MSN: variants seen among roughly 807,000 people sequenced by gnomAD.
MSN encodes the protein moesin.
MSN carries 2 observed loss-of-function variants against 48.0 expected under a neutral mutation model. The observed-to-expected ratio is 0.04, with a 90% CI of 0.02 to 0.13. The LOEUF (loss-of-function observed/expected upper bound fraction) is 0.13. Among genes scored for constraint, MSN ranks in the 10% least tolerant of loss-of-function variants. MSN has a pLI of 1.00. For synonymous variants in MSN, 146 were observed against 166.9 expected (o/e 0.87, Z 0.97); for missense variants, 267 against 470.1 (o/e 0.57, Z 3.99).
Position 65,636,747 on chromosome X carries a change from CAAAAAAAAA to C in MSN, c.-22+48154_-22+48162del, listed in dbSNP as rs1219240320. ...GGGCAACAAGAGCAAAACTCCATCT[CAAAAAAAAA>C]AAAAAAAAAAAAAAAAAACCAGAAA... On this transcript the variant is annotated intron_variant, in intron 1 of 3. Coordinates refer to the MSN transcript ENST00000609672. Among the ~76,000 whole-genome samples, 35 of 6,337 alleles carry C rather than the reference CAAAAAAAAA, an allele frequency of 5.5e-3. 1 individual carries two copies. The highest frequency in any genetic ancestry group is 0.013 in the African/African-American group (35 of 2,676). The allele number at this position is 6,337 out of a possible 115,157, so 5.5% of individuals were successfully genotyped here. A position where few individuals can be genotyped will look rare whatever the true frequency, so the allele number is the denominator to read the frequency against.
intron 7 of MSN, among the ~76,000 whole-genome samples, chrX:65,733,788 G>T (rs1467658685): frequency 1.8e-5 from 2 of 111,284 alleles, no homozygotes; most frequent in Non-Finnish European, 3.8e-5. Flanking sequence ...CGAGTAGCTG[G>T]GATTACAGGC....
At chrX:65,633,449 T>C (rs1359403798) in intron 1 of MSN, among the ~76,000 whole-genome samples, 1 of 112,233 alleles carries the variant, frequency 8.9e-6, no homozygotes, top group Non-Finnish European at 1.9e-5. Context: ...CCATAAACAC[T>C]TAATTAATCA....
chrX:65,603,177 C>T (rs2070251871), intron 1 of MSN, among the ~76,000 whole-genome samples: 2 of 111,352 alleles, frequency 1.8e-5, no homozygotes, highest in South Asian at 7.5e-4. Flanking sequence ...GCCTGTAATC[C>T]CAGCTACTCA....
At chrX:65,679,602 G>A (rs186358949) in intron 1 of MSN, among the ~76,000 whole-genome samples, 2 of 112,264 alleles carry the variant, frequency 1.8e-5, no homozygotes, top group East Asian at 5.6e-4. Context: ...TTCTGTGAGG[G>A]CCTACAAGGC....
intron 1 of MSN, among the ~76,000 whole-genome samples, chrX:65,640,636 A>G (rs2070642199): frequency 9.0e-6 from 1 of 111,560 alleles, no homozygotes; most frequent in Non-Finnish European, 1.9e-5. Flanking sequence ...AAATATCAGA[A>G]CAGCATACTC....
At chrX:65,706,005 T>C (rs1008824928) in intron 1 of MSN, among the ~76,000 whole-genome samples, 2 of 112,018 alleles carry the variant, frequency 1.8e-5, no homozygotes, top group Non-Finnish European at 1.9e-5. Context: ...GAAGAGGTCC[T>C]AGCAGATAAC....
At chrX:65,716,136 A>G (rs1476154329) in intron 1 of MSN, among the ~76,000 whole-genome samples, 2 of 112,030 alleles carry the variant, frequency 1.8e-5, no homozygotes, top group Non-Finnish European at 1.9e-5. Flanking sequence ...ATTGTTTACC[A>G]GTGCTATAGA....
At chrX:65,651,018 C>T (rs183153663) in intron 1 of MSN, among the ~76,000 whole-genome samples, 30 of 111,730 alleles carry the variant, frequency 2.7e-4, no homozygotes, top group East Asian at 5.6e-4. Context: ...TGTGCCCACG[C>T]GGGTAATCTA....
chrX:65,595,277 T>C (rs1387567077), intron 1 of MSN, among the ~76,000 whole-genome samples: 1 of 112,261 alleles, frequency 8.9e-6, no homozygotes, highest in Non-Finnish European at 1.9e-5. Context: ...CTTGTTCCCA[T>C]ACCCACTCTC....
At chrX:65,618,942 T>G (rs1310217631) in intron 1 of MSN, among the ~76,000 whole-genome samples, 14 of 108,213 alleles carry the variant, frequency 1.3e-4, no homozygotes, top group Non-Finnish European at 2.3e-4. Context: ...GTCTATAAAG[T>G]ATTTTATTTC....
At chrX:65,625,823 TTC>T (rs1287883701) in intron 1 of MSN, 1 of 111,906 alleles carries the variant, frequency 8.9e-6, no homozygotes, top group Non-Finnish European at 1.9e-5. Flanking sequence ...ATTTTTGTAT[TTC>T]TTTTTCCCTT....
chrX:65,621,947 G>A (rs2070450312), intron 1 of MSN, among the ~76,000 whole-genome samples: 1 of 111,587 alleles, frequency 9.0e-6, no homozygotes, highest in African/African-American at 3.2e-5. Flanking sequence ...AGAAATACAA[G>A]TGATTTTGTG....
chrX:65,720,474 A>G (rs1444076126), intron 2 of MSN, among the ~76,000 whole-genome samples: 1 of 112,470 alleles, frequency 8.9e-6, no homozygotes, highest in East Asian at 2.8e-4. Flanking sequence ...TTTGAACTCA[A>G]GGAATTGAGC....
In MSN at chrX:65,674,094, A is replaced by C. The variant is rs184048617; in HGVS notation, c.12+6241A>C. ...TGACCTTGTCTCAGGAACTCTTTGT[A>C]GCACTTCCCAGGAAGGTAAGTGTTT... On this transcript the variant is annotated intron_variant, in intron 1 of 12. Coordinates refer to ENST00000360270, the MANE Select transcript of MSN (RefSeq NM_002444.3). Among the ~76,000 whole-genome samples, 106 of 110,946 alleles carry C rather than the reference A, an allele frequency of 9.6e-4. 1 individual carries two copies. Among genetic ancestry groups the C allele is most frequent in the African/African-American group, 3.3e-3 (102 of 30,502 alleles).
intron 1 of MSN, among the ~76,000 whole-genome samples, chrX:65,649,651 G>A (rs2070725515): frequency 9.5e-6 from 1 of 105,441 alleles, no homozygotes. Context: ...GTATGTGTGT[G>A]TATATGTGTG....
intron 1 of MSN, among the ~76,000 whole-genome samples, chrX:65,633,957 C>G (rs58598180): frequency 9.0e-6 from 1 of 111,580 alleles, no homozygotes; most frequent in African/African-American, 3.3e-5. Context: ...CTTACTCGGT[C>G]CAGTGTCTTA....
intron 7 of MSN, 26 bp from the exon 8 acceptor site, chrX:65,735,241 C>A (rs992233209): frequency 8.3e-7 from 1 of 1,204,313 alleles, no homozygotes; most frequent in South Asian, 1.8e-5. Flanking sequence ...CCTCCAAATT[C>A]TTTCTGATTG....
intron 1 of MSN, among the ~76,000 whole-genome samples, chrX:65,600,239 A>T (rs1239553272): frequency 1.8e-5 from 2 of 110,942 alleles, no homozygotes; most frequent in South Asian, 7.6e-4. Context: ...CTTTTTAAAA[A>T]TTTCTGTTGG....
exon 1 of MSN, chrX:65,588,584 A>G: frequency 2.5e-6 from 2 of 802,238 alleles, no homozygotes; most frequent in Non-Finnish European, 3.0e-6. Context: ...CTTAACTGCC[A>G]GTGTTCGTGG....
Sources: gnomAD v4.1 joint callset for allele counts (sites outside exome capture counted in the v4.1 genomes callset) on GRCh38, gnomAD v4.1.1 for gene constraint, MANE v1.5 for transcripts, NCBI Gene and HGNC (gene_info 2026-07-23, HGNC 2026-07-21) for gene names.